GPM6B: variants seen among roughly 807,000 people sequenced by gnomAD.
The protein encoded by GPM6B is neuronal membrane glycoprotein M6-b.
GPM6B carries 4 observed loss-of-function variants against 27.2 expected under a neutral mutation model. The observed-to-expected ratio is 0.15, with a 90% CI of 0.07 to 0.34. GPM6B has a LOEUF of 0.34. GPM6B is among the 10% of genes least tolerant of loss of function. The pLI is 1.00. For missense variants in GPM6B, 183 were observed against 261.9 expected (o/e 0.70, Z 2.08); for synonymous variants, 124 against 103.1 (o/e 1.20, Z -1.23).
At chrX:13,888,769 G>T (rs1285532794) in intron 1 of GPM6B, among the ~76,000 whole-genome samples, 3 of 111,360 alleles carry the variant, frequency 2.7e-5, no homozygotes, top group Non-Finnish European at 5.6e-5. Flanking sequence ...TGAAGCCAAT[G>T]ATCTAAAATA....
At chrX:13,780,744 T>C (rs1278268322) in intron 4 of GPM6B, among the ~76,000 whole-genome samples, 1 of 111,171 alleles carries the variant, frequency 9.0e-6, no homozygotes, top group African/African-American at 3.3e-5. Flanking sequence ...GGCTTTCCTC[T>C]GCCTTGACCA....
At chrX:13,773,302 A>G in intron 7 of GPM6B, 1 of 196,458 alleles carries the variant, frequency 5.1e-6, no homozygotes, top group Non-Finnish European at 8.7e-6. Flanking sequence ...ATGAAATACG[A>G]GAGGGTGCTT....
intron 7 of GPM6B, 80 bp downstream of exon 7, chrX:13,776,158 T>C (rs988484528): frequency 4.7e-6 from 4 of 843,368 alleles, no homozygotes; most frequent in South Asian, 2.2e-5. Context: ...AATAGGCTGG[T>C]AAAAGCTGGA....
At chrX:13,773,304 A>T in intron 7 of GPM6B, 1 of 182,933 alleles carries the variant, frequency 5.5e-6, no homozygotes, top group African/African-American at 4.0e-5. Flanking sequence ...GAAATACGAG[A>T]GGGTGCTTTT....
At chrX:13,833,392 G>A (rs1160381975) in intron 1 of GPM6B, among the ~76,000 whole-genome samples, 1 of 109,793 alleles carries the variant, frequency 9.1e-6, no homozygotes, top group Non-Finnish European at 1.9e-5. Context: ...ATAAGATAGT[G>A]CAATGTTAGC....
intron 3 of GPM6B, 87 bp from the exon 4 acceptor site, chrX:13,783,608 G>C (rs1447906660): frequency 6.3e-6 from 5 of 795,443 alleles, no homozygotes; most frequent in African/African-American, 4.1e-5. Flanking sequence ...GGACATGAGG[G>C]GGATGTTCCT....
intron 2 of GPM6B, among the ~76,000 whole-genome samples, chrX:13,797,116 G>A (rs141108567): frequency 6.5e-4 from 73 of 112,176 alleles, no homozygotes; most frequent in African/African-American, 2.2e-3. Flanking sequence ...TTGACCATCT[G>A]GGCGACAGTG....
chrX:13,879,844 G>C (rs2050076068), intron 1 of GPM6B, among the ~76,000 whole-genome samples: 3 of 111,693 alleles, frequency 2.7e-5, no homozygotes, highest in African/African-American at 9.8e-5. Context: ...TGTCTCCTGG[G>C]GTGGGACCTG....
chrX:13,817,259 G>T, upstream of GPM6B: 1 of 818,148 alleles, frequency 1.2e-6, no homozygotes, highest in Non-Finnish European at 1.5e-6. Context: ...GCTCCCCACC[G>T]GGCTCTTCCT....
intron 2 of GPM6B, among the ~76,000 whole-genome samples, chrX:13,794,555 G>T (rs766305461): frequency 9.0e-6 from 1 of 111,348 alleles, no homozygotes; most frequent in East Asian, 2.8e-4. Context: ...ATAGCACCAA[G>T]ATGTTATTTA....
At chrX:13,785,005 T>C (rs1357310869) in intron 3 of GPM6B, among the ~76,000 whole-genome samples, 1 of 111,474 alleles carries the variant, frequency 9.0e-6, no homozygotes, top group African/African-American at 3.3e-5. Context: ...CACAATTCTG[T>C]TGAGACAATC....
chrX:13,862,098 G>A (rs1445090445), intron 1 of GPM6B, among the ~76,000 whole-genome samples: 1 of 111,148 alleles, frequency 9.0e-6, no homozygotes, highest in African/African-American at 3.3e-5. Context: ...ACAGGGTCAT[G>A]GATTAAGTTC....
chrX:13,916,188 G>A (rs1438393673), intron 1 of GPM6B, among the ~76,000 whole-genome samples: 1 of 111,578 alleles, frequency 9.0e-6, no homozygotes, highest in African/African-American at 3.3e-5. Flanking sequence ...AAAAAAAGAT[G>A]CCAACACAGA....
At chrX:13,856,784 T>A (rs1211218317) in intron 1 of GPM6B, among the ~76,000 whole-genome samples, 1 of 108,163 alleles carries the variant, frequency 9.2e-6, no homozygotes, top group Non-Finnish European at 1.9e-5. Flanking sequence ...ACTGCAGCCT[T>A]GACCTCCTGG....
At chrX:13,780,016 T>G in intron 4 of GPM6B, 27 bp from the exon 5 acceptor site, 1 of 1,137,842 alleles carries the variant, frequency 8.8e-7, no homozygotes, top group Non-Finnish European at 1.2e-6. Flanking sequence ...GGAAGGACAA[T>G]CATCACTGAA....
intron 1 of GPM6B, among the ~76,000 whole-genome samples, chrX:13,855,282 G>A (rs1039722963): frequency 8.9e-6 from 1 of 112,667 alleles, no homozygotes; most frequent in African/African-American, 3.2e-5. Context: ...GTCTCTCAAA[G>A]TGTTGCGATT....
chrX:13,868,698 ATAC>A (rs761867650), intron 1 of GPM6B, among the ~76,000 whole-genome samples: 2 of 112,541 alleles, frequency 1.8e-5, no homozygotes, highest in African/African-American at 6.4e-5. Context: ...TCCACAGAAA[ATAC>A]TCTGTTTCCA....
chrX:13,781,936 T>C (rs1288080655), intron 4 of GPM6B, among the ~76,000 whole-genome samples: 5 of 111,647 alleles, frequency 4.5e-5, no homozygotes, highest in Non-Finnish European at 7.5e-5. Flanking sequence ...ACAAAGGCCT[T>C]TGGTGATGGA....
Position 13,785,615 on chromosome X carries a change from T to C in GPM6B, c.368+7A>G, listed in dbSNP as rs2048596373. The C allele has an allele frequency of 8.3e-7, 1 of 1,207,026 alleles. No individual in the cohort carries two copies. Among genetic ancestry groups the C allele is most frequent in the African/African-American group, 1.7e-5 (1 of 57,156 alleles). On this transcript the variant is annotated splice_region_variant and intron_variant, in intron 3 of 7. Transcript: ENST00000316715. ...AGATGCATTTTTAAAGGGAACCGGA[T>C]ACTTACACCTCGCTCAGCAAGGCAT...
Sources: gnomAD v4.1 joint callset for allele counts (sites outside exome capture counted in the v4.1 genomes callset) on GRCh38, gnomAD v4.1.1 for gene constraint, MANE v1.5 for transcripts, NCBI Gene and HGNC (gene_info 2026-07-23, HGNC 2026-07-21) for gene names.